Variants in TENM3 observed in about 807,000 individuals in gnomAD.
TENM3 encodes teneurin transmembrane protein 3, also known as teneurin-3.
TENM3 carries 63 observed loss-of-function variants against 255.1 expected under a neutral mutation model. That is an observed-to-expected ratio of 0.25 (90% CI 0.20 to 0.30). The LOEUF (loss-of-function observed/expected upper bound fraction) is 0.30, where lower values mean the gene tolerates loss of function less well. TENM3 is among the 10% of genes least tolerant of loss of function. The pLI, the probability that TENM3 is intolerant of heterozygous loss-of-function variation, is 1.00. For missense variants in TENM3, 2,929 were observed against 3,461.1 expected, an observed-to-expected ratio of 0.85 and a Z score of 3.86; for synonymous variants, 1,306 against 1,322.3, an observed-to-expected ratio of 0.99 and a Z score of 0.27.
chr4:181,765,069 C>T, the TENM3 span, among the ~76,000 whole-genome samples: 17 of 152,224 alleles, frequency 1.1e-4, no homozygotes, highest in Non-Finnish European at 2.4e-4. Flanking sequence ...TTACTTAGGA[C>T]GTTTCATTTT....
At chr4:181,525,933 T>G in the TENM3 span, among the ~76,000 whole-genome samples, 1 of 152,318 alleles carries the variant, frequency 6.6e-6, no homozygotes, top group African/African-American at 2.4e-5. Context: ...GGCTGATTTT[T>G]TTCCAGTGGA....
chr4:182,038,130 A>G, the TENM3 span, among the ~76,000 whole-genome samples: 1 of 152,324 alleles, frequency 6.6e-6, no homozygotes, highest in East Asian at 1.9e-4. Context: ...GTTCATCTCA[A>G]GATAGTCTAT....
chr4:182,029,988 T>G, the TENM3 span, among the ~76,000 whole-genome samples: 1 of 144,968 alleles, frequency 6.9e-6, no homozygotes, highest in Non-Finnish European at 1.5e-5. Flanking sequence ...ACCTTCTGCA[T>G]GCATCTCTCT....
At chr4:182,473,010 G>A (rs1733282551) in intron 3 of TENM3, among the ~76,000 whole-genome samples, 1 of 152,048 alleles carries the variant, frequency 6.6e-6, no homozygotes, top group Non-Finnish European at 1.5e-5. Flanking sequence ...AATACTATAT[G>A]CTCTTCCAAT....
intron 1 of TENM3, among the ~76,000 whole-genome samples, chr4:182,255,132 T>G (rs1238506189): frequency 2.0e-5 from 3 of 152,164 alleles, no homozygotes; most frequent in Non-Finnish European, 4.4e-5. Flanking sequence ...TTTTAGAGCT[T>G]AATTTTTGTG....
intron 3 of TENM3, among the ~76,000 whole-genome samples, chr4:182,437,911 C>G (rs1772166149): frequency 6.6e-6 from 1 of 151,956 alleles, no homozygotes; most frequent in East Asian, 1.9e-4. Flanking sequence ...GAGATAGCAC[C>G]ACAGCACTCC....
At chr4:182,689,994 C>A (rs2152586096) in intron 12 of TENM3, among the ~76,000 whole-genome samples, 1 of 152,302 alleles carries the variant, frequency 6.6e-6, no homozygotes, top group East Asian at 1.9e-4. Flanking sequence ...TTTATTGGGG[C>A]TTCTCCAGGA....
intron 4 of TENM3, among the ~76,000 whole-genome samples, chr4:182,616,241 C>T (rs1290652497): frequency 2.0e-5 from 3 of 151,750 alleles, no homozygotes; most frequent in Non-Finnish European, 2.9e-5. Context: ...TAGGTAACTG[C>T]GTCCATGTGA....
At chr4:182,159,458 G>T (rs74380297) in intron 1 of TENM3, among the ~76,000 whole-genome samples, 3 of 19,428 alleles carry the variant, frequency 1.5e-4, no homozygotes, top group East Asian at 1.1e-3. Flanking sequence ...GTGTGTGTGT[G>T]TGTGTGTGTG....
intron 1 of TENM3, among the ~76,000 whole-genome samples, chr4:182,293,190 G>A (rs1761233254): frequency 6.6e-6 from 1 of 152,202 alleles, no homozygotes; most frequent in Admixed American, 6.5e-5. Context: ...GACGTAACAA[G>A]TGGAGTCCAT....
At chr4:182,154,601 A>G (rs960841719) in intron 1 of TENM3, among the ~76,000 whole-genome samples, 1 of 152,176 alleles carries the variant, frequency 6.6e-6, no homozygotes, top group Non-Finnish European at 1.5e-5. Flanking sequence ...CATTTATGCC[A>G]GATGACCAGG....
the TENM3 span, among the ~76,000 whole-genome samples, chr4:182,017,677 G>A: frequency 6.6e-6 from 1 of 152,106 alleles, no homozygotes. Flanking sequence ...GCTTTTAAAG[G>A]AATTTTTCTT....
chr4:182,478,217 T>C (rs1733862218), intron 3 of TENM3, among the ~76,000 whole-genome samples: 1 of 152,118 alleles, frequency 6.6e-6, no homozygotes, highest in Non-Finnish European at 1.5e-5. Context: ...ACTACTCTCA[T>C]TCTTTAAAAA....
At chr4:181,994,563 T>TTG in the TENM3 span, among the ~76,000 whole-genome samples, 1 of 149,950 alleles carries the variant, frequency 6.7e-6, no homozygotes, top group African/African-American at 2.4e-5. Flanking sequence ...GGTTTTTTTT[T>TTG]TTTTTTGTGA....
the TENM3 span, among the ~76,000 whole-genome samples, chr4:181,821,929 C>T: frequency 1.3e-5 from 2 of 152,136 alleles, no homozygotes; most frequent in Admixed American, 6.5e-5. Flanking sequence ...TCATTTAACT[C>T]GGTTGTTTTG....
intron 12 of TENM3, among the ~76,000 whole-genome samples, chr4:182,699,398 C>T (rs1757677204): frequency 6.6e-6 from 1 of 152,176 alleles, no homozygotes; most frequent in Admixed American, 6.5e-5. Context: ...TTTCCCAGGA[C>T]CTCGTGTTTG....
At chr4:182,347,457 T>C (rs912702595) in intron 3 of TENM3, among the ~76,000 whole-genome samples, 1 of 152,200 alleles carries the variant, frequency 6.6e-6, no homozygotes, top group African/African-American at 2.4e-5. Context: ...TGCTTTAAAC[T>C]TAAGAGTTGA....
At chr4:182,207,863 C>T (rs537753933) in intron 1 of TENM3, among the ~76,000 whole-genome samples, 1 of 152,150 alleles carries the variant, frequency 6.6e-6, no homozygotes. Flanking sequence ...CCTTTGGTAC[C>T]TTCTTTTGGC....
chr4:181,996,482 A>T, the TENM3 span, among the ~76,000 whole-genome samples: 1 of 152,198 alleles, frequency 6.6e-6, no homozygotes, highest in Non-Finnish European at 1.5e-5. Context: ...AAAGAATGCC[A>T]GGACAGCTGA....
Sources: gnomAD v4.1 joint callset for allele counts (sites outside exome capture counted in the v4.1 genomes callset) on GRCh38, gnomAD v4.1.1 for gene constraint, MANE v1.5 for transcripts, NCBI Gene and HGNC (gene_info 2026-07-23, HGNC 2026-07-21) for gene names.